The following MGRN1 variants were observed in gnomAD, a reference collection of about 807,000 sequenced individuals.
MGRN1 encodes the protein E3 ubiquitin-protein ligase MGRN1.
MGRN1 carries 29 observed loss-of-function variants against 69.2 expected under a neutral mutation model. The observed-to-expected ratio is 0.42, with a 90% confidence interval of 0.31 to 0.57. The LOEUF (loss-of-function observed/expected upper bound fraction) is 0.57. MGRN1 is among the 20% of genes least tolerant of loss of function. The pLI, the probability that MGRN1 is intolerant of heterozygous loss-of-function variation, is 0.15. For synonymous variants in MGRN1, 470 were observed against 344.2 expected (o/e 1.37, Z -4.04); for missense variants, 998 against 796.2 (o/e 1.25, Z -3.05).
At chr16:4,657,466 G>C in intron 5 of MGRN1, 103 bp downstream of exon 5, 1 of 1,160,210 alleles carries the variant, frequency 8.6e-7, no homozygotes. Context: ...CTTCCTCCAG[G>C]GTTCATAAGA....
At chr16:4,630,918 C>G (rs925066514) in intron 1 of MGRN1, among the ~76,000 whole-genome samples, 1 of 149,710 alleles carries the variant, frequency 6.7e-6, no homozygotes, top group African/African-American at 2.5e-5. Flanking sequence ...TCAGGTGATT[C>G]TCCCACCTCA....
At chr16:4,640,639 C>G (rs544144307) in intron 1 of MGRN1, 7 of 152,418 alleles carry the variant, frequency 4.6e-5, no homozygotes, top group Non-Finnish European at 1.0e-4. Flanking sequence ...GCCGGGATTT[C>G]CAGGACAACC....
chr16:4,686,488 G>C, intron 16 of MGRN1: 3 of 1,389,442 alleles, frequency 2.2e-6, no homozygotes, highest in Non-Finnish European at 2.8e-6. Flanking sequence ...CCCCCAGAAA[G>C]TGGCCTCCTG....
chr16:4,645,427 C>G (rs2078254016), intron 1 of MGRN1, among the ~76,000 whole-genome samples: 1 of 152,182 alleles, frequency 6.6e-6, no homozygotes, highest in African/African-American at 2.4e-5. Context: ...CCTTGATCTT[C>G]CAAAGCGCCC....
At chr16:4,676,719 C>G (rs1230498860) in intron 10 of MGRN1, among the ~76,000 whole-genome samples, 1 of 152,154 alleles carries the variant, frequency 6.6e-6, no homozygotes, top group South Asian at 2.1e-4. Context: ...GTCTCAGGAA[C>G]ATTCTACAGC....
rs1236735215 is a variant in MGRN1 at position 4,625,047 on chromosome 16, C to T, written c.87C>T (p.Ser29=). ...ANSAYRYPPK[S]GNYFASHFFM... is the part of the protein sequence containing the mutation. ...CGGCCTATCGCTACCCTCCGAAGTCCGGTGAGCGCCCGGCCCCAGGCGCGG... is the reference window on the plus strand; with the variant it reads ...CGGCCTATCGCTACCCTCCGAAGTCTGGTGAGCGCCCGGCCCCAGGCGCGG... The change falls in exon 1 of 17, where the codon TCC becomes TCT. Residue 29 remains serine, a splice_region_variant and synonymous_variant. Transcript: ENST00000262370. The T allele has an allele frequency of 1.9e-6, 3 of 1,543,110 alleles. No homozygotes were observed. Among genetic ancestry groups the T allele is most frequent in the Non-Finnish European group, 2.6e-6 (3 of 1,147,856 alleles).
At chr16:4,632,622 C>T (rs1898067555) in intron 1 of MGRN1, among the ~76,000 whole-genome samples, 1 of 151,978 alleles carries the variant, frequency 6.6e-6, no homozygotes, top group Non-Finnish European at 1.5e-5. Context: ...TCTCGATCTC[C>T]TGACCTCTTG....
intron 16 of MGRN1, chr16:4,687,170 T>C (rs184973685): frequency 8.1e-6 from 8 of 984,438 alleles, no homozygotes; most frequent in Admixed American, 6.2e-5. Context: ...ACACCAGCAC[T>C]AAAAGATAGG....
intron 16 of MGRN1, chr16:4,686,318 AGACGCGCTTCGGGGGCTCT>A (rs774367279): frequency 9.1e-6 from 14 of 1,542,798 alleles, no homozygotes; most frequent in Non-Finnish European, 9.6e-6. Context: ...GTGACCTCCC[AGACGCGCTTCGGGGGCTCT>A]GACGCGCGTC....
chr16:4,663,530 C>A (rs1206521637), intron 5 of MGRN1, among the ~76,000 whole-genome samples: 2 of 152,106 alleles, frequency 1.3e-5, no homozygotes, highest in Admixed American at 6.5e-5. Flanking sequence ...ATAAATGATT[C>A]TTTTTCTTCC....
At chr16:4,645,160 TG>T (rs1232490818) in intron 1 of MGRN1, among the ~76,000 whole-genome samples, 2 of 25,460 alleles carry the variant, frequency 7.9e-5, no homozygotes, top group Non-Finnish European at 1.6e-4. Flanking sequence ...GTGGGGGTGG[TG>T]GTGGGGGGAC....
chr16:4,644,942 C>G (rs2078242830), intron 1 of MGRN1, among the ~76,000 whole-genome samples: 1 of 152,056 alleles, frequency 6.6e-6, no homozygotes, highest in Non-Finnish European at 1.5e-5. Context: ...ACTCTTCTTC[C>G]TTGTCTCTAA....
At chr16:4,678,598 G>C (rs1181878563) in intron 11 of MGRN1, among the ~76,000 whole-genome samples, 3 of 152,214 alleles carry the variant, frequency 2.0e-5, no homozygotes, top group African/African-American at 7.2e-5. Flanking sequence ...GAGAGACAGA[G>C]ATGGGGATGG....
intron 14 of MGRN1, 93 bp from the exon 15 acceptor site, chr16:4,683,131 C>T (rs1430978648): frequency 1.7e-5 from 26 of 1,548,450 alleles, no homozygotes; most frequent in East Asian, 4.5e-5. Flanking sequence ...AGCGGCTGTG[C>T]GGTCCCGGGA....
At chr16:4,666,529 G>A (rs1206836921) in intron 7 of MGRN1, among the ~76,000 whole-genome samples, 7 of 152,200 alleles carry the variant, frequency 4.6e-5, no homozygotes, top group African/African-American at 1.2e-4. Flanking sequence ...GCCATGCCAC[G>A]GGCTGGGGCT....
At chr16:4,685,958 C>T (rs1051416503) in intron 16 of MGRN1, among the ~76,000 whole-genome samples, 4 of 152,196 alleles carry the variant, frequency 2.6e-5, no homozygotes, top group African/African-American at 7.2e-5. Flanking sequence ...CACCCAGGGC[C>T]TTCACTCCTG....
chr16:4,660,888 A>G (rs565200169), intron 5 of MGRN1, among the ~76,000 whole-genome samples: 2 of 152,336 alleles, frequency 1.3e-5, no homozygotes, highest in South Asian at 4.1e-4. Context: ...TGGCAAGCCC[A>G]GGTGTCTGTG....
intron 10 of MGRN1, among the ~76,000 whole-genome samples, chr16:4,674,572 C>A (rs2079011194): frequency 6.8e-6 from 1 of 147,934 alleles, no homozygotes; most frequent in Non-Finnish European, 1.5e-5. Flanking sequence ...CAAGCGTGAG[C>A]CACCGCTTTT....
chr16:4,677,639 GC>G, intron 11 of MGRN1, 67 bp downstream of exon 11: 1 of 1,460,598 alleles, frequency 6.8e-7, no homozygotes, highest in Middle Eastern at 1.8e-4. Flanking sequence ...CAGGCGCAAG[GC>G]CCAGACGGTC....
Sources: allele counts gnomAD v4.1 joint callset (sites outside exome capture counted in the v4.1 genomes callset), GRCh38; gene constraint gnomAD v4.1.1; transcripts MANE v1.5; gene names NCBI Gene and HGNC (gene_info 2026-07-23, HGNC 2026-07-21).